ZMAT5: variants seen among roughly 807,000 people sequenced by gnomAD.
The protein encoded by ZMAT5 is zinc finger matrin-type protein 5.
ZMAT5 carries 23 observed loss-of-function variants against 28.0 expected under a neutral mutation model. That is an observed-to-expected ratio of 0.82 (90% CI 0.59 to 1.16). The LOEUF is 1.16. ZMAT5 is among the 50% of genes most tolerant of loss of function. ZMAT5 has a pLI of 0.00. For synonymous variants in ZMAT5, 76 were observed against 84.1 expected (o/e 0.90, Z 0.52); for missense variants, 173 against 212.7 (o/e 0.81, Z 1.16).
chr22:29,761,688 T>C (rs1299914696), intron 1 of ZMAT5, among the ~76,000 whole-genome samples: 1 of 151,988 alleles, frequency 6.6e-6, no homozygotes, highest in African/African-American at 2.4e-5. Flanking sequence ...ATCTGTAATA[T>C]TGAAAAAAAA....
chr22:29,743,486 A>G (rs773997703), intron 2 of ZMAT5, among the ~76,000 whole-genome samples: 2 of 152,200 alleles, frequency 1.3e-5, no homozygotes, highest in Non-Finnish European at 2.9e-5. Context: ...GCTGGAGTGC[A>G]GCGGCATGAT....
At chr22:29,753,473 A>AAT (rs2068072289) in intron 1 of ZMAT5, among the ~76,000 whole-genome samples, 1 of 152,082 alleles carries the variant, frequency 6.6e-6, no homozygotes, top group African/African-American at 2.4e-5. Context: ...TGCAGTAAGC[A>AAT]GAGATCGCAC....
intron 1 of ZMAT5, among the ~76,000 whole-genome samples, chr22:29,756,388 AC>A (rs1398319393): frequency 1.3e-5 from 2 of 151,502 alleles, no homozygotes; most frequent in Admixed American, 6.6e-5. Flanking sequence ...TCCTGACCGA[AC>A]CCCCGTATGC....
intron 1 of ZMAT5, among the ~76,000 whole-genome samples, chr22:29,762,281 C>T (rs550551866): frequency 6.6e-5 from 10 of 152,160 alleles, no homozygotes; most frequent in Middle Eastern, 3.4e-3. Context: ...TCTTATTTGC[C>T]GATATTTATG....
At position 29,739,257 on chromosome 22, in the gene ZMAT5, C is replaced by T. The variant is rs375718285; in HGVS notation, c.272-816G>A. Among the ~76,000 whole-genome samples the T allele has an allele frequency of 2.1e-3, 314 of 152,286 alleles. 8 individuals carry two copies. In the South Asian group the frequency reaches 0.06, roughly 29 times the overall value. On this transcript the variant is annotated intron_variant, in intron 4 of 5. Coordinates refer to ENST00000344318, the MANE Select transcript of ZMAT5 (RefSeq NM_001003692.2). The stretch of plus-strand genomic sequence containing the variant: ...GGAATTTATACAAGCTGGGTGTGAG[C>T]GTTTGATGGGGTCAGAGTCGCCAAG...
Position 29,749,781 on chromosome 22 carries a change from A to G in ZMAT5, c.-27-1210T>C, listed in dbSNP as rs183009198. Among the ~76,000 whole-genome samples, 448 of 152,162 alleles carry G rather than the reference A, an allele frequency of 2.9e-3. 1 individual carries two copies. The highest frequency in any genetic ancestry group is 0.01 in the African/African-American group (428 of 41,512). ...CCCCCATGCTGTTCTCATGATAGTG[A>G]AGAGTTCTCACAGGATCTGATGGTT... On this transcript the variant is annotated intron_variant, in intron 1 of 5. Transcript: ENST00000344318.
chr22:29,738,298 G>T, intron 5 of ZMAT5, 32 bp downstream of exon 5: 1 of 1,586,332 alleles, frequency 6.3e-7, no homozygotes, highest in Non-Finnish European at 8.6e-7. Flanking sequence ...CCCCCAGGGG[G>T]CACAGCGGGA....
Position 29,759,608 on chromosome 22 carries a change from AT to A in ZMAT5, c.-28+7263del, listed in dbSNP as rs923211601. ...AGTGAGACCCCGTCTCTAAAAAAAA[AT>A]TTTTTTTTTAATTAGCCAGTTGGGG... On this transcript the variant is annotated intron_variant, in intron 1 of 5. Transcript: ENST00000344318. Among the ~76,000 whole-genome samples, 397 of 150,714 alleles carry A rather than the reference AT, an allele frequency of 2.6e-3. 2 individuals carry two copies. Among genetic ancestry groups the A allele is most frequent in the African/African-American group, 9.3e-3 (383 of 40,986 alleles).
intron 1 of ZMAT5, among the ~76,000 whole-genome samples, chr22:29,754,119 G>C (rs1040058699): frequency 2.0e-5 from 3 of 152,106 alleles, no homozygotes; most frequent in Non-Finnish European, 2.9e-5. Flanking sequence ...GGAGGAAGGG[G>C]ACAGCTGGAG....
intron 5 of ZMAT5, among the ~76,000 whole-genome samples, chr22:29,733,003 G>A (rs1237796410): frequency 6.6e-6 from 1 of 152,180 alleles, no homozygotes; most frequent in Non-Finnish European, 1.5e-5. Flanking sequence ...GCTATTCTGG[G>A]CCACACACCA....
At chr22:29,731,611 C>T (rs2067845616) in intron 5 of ZMAT5, 1 of 445,156 alleles carries the variant, frequency 2.2e-6, no homozygotes, top group South Asian at 2.9e-5. Flanking sequence ...TCGTGTCCAC[C>T]TGTGGGGGAC....
chr22:29,758,928 G>A (rs189135585), intron 1 of ZMAT5: 3 of 152,348 alleles, frequency 2.0e-5, no homozygotes, highest in Admixed American at 2.0e-4. Flanking sequence ...TCCCTCTGGA[G>A]GCTGCCATGG....
intron 1 of ZMAT5, among the ~76,000 whole-genome samples, chr22:29,765,109 A>T (rs527499083): frequency 1.7e-4 from 26 of 152,298 alleles, no homozygotes; most frequent in African/African-American, 6.0e-4. Flanking sequence ...TGTTGATTTT[A>T]AATTGTTGAG....
chr22:29,762,482 C>G (rs1470795676), intron 1 of ZMAT5, among the ~76,000 whole-genome samples: 1 of 152,212 alleles, frequency 6.6e-6, no homozygotes, highest in African/African-American at 2.4e-5. Context: ...ACCGCCTGAG[C>G]TTCGTCTCCT....
rs1472917023 is a variant in ZMAT5, at chr22:29,738,398, G to A, written c.315C>T (p.Leu105=). 2 of 1,610,884 alleles carry A rather than the reference G, an allele frequency of 1.2e-6. No homozygotes were observed. The highest frequency in any genetic ancestry group is 1.7e-5 in the Admixed American group (1 of 59,934). ...GCCAGTCCTCCAGATGGCCCTCGGG[G>A]AGCTCAGGAGCATCTAGTAGCCACT... The part of the protein sequence containing the change: ...AREWLLDAPE[L]PEGHLEDWLE... Residue 105 remains leucine (L), a synonymous_variant, in exon 5 of 6, where the codon CTC becomes CTT. Transcript: ENST00000344318.
At chr22:29,743,521 T>C (rs1368872289) in intron 2 of ZMAT5, among the ~76,000 whole-genome samples, 1 of 152,160 alleles carries the variant, frequency 6.6e-6, no homozygotes, top group Non-Finnish European at 1.5e-5. Flanking sequence ...GCCTCCACCT[T>C]CTGCACTCAG....
intron 1 of ZMAT5, among the ~76,000 whole-genome samples, chr22:29,753,491 C>T (rs1319836475): frequency 2.0e-5 from 3 of 151,998 alleles, no homozygotes; most frequent in Non-Finnish European, 4.4e-5. Flanking sequence ...CACCACTGCA[C>T]CCCAGCCTGG....
At chr22:29,731,425 C>T (rs547260239) in intron 5 of ZMAT5, 71 bp from the exon 6 acceptor site, 1 of 1,503,450 alleles carries the variant, frequency 6.7e-7, no homozygotes, top group Admixed American at 2.8e-5. Flanking sequence ...CCCCAGCCCA[C>T]CTGCCTCACC....
At chr22:29,734,721 T>C (rs1050059851) in intron 5 of ZMAT5, among the ~76,000 whole-genome samples, 1 of 152,154 alleles carries the variant, frequency 6.6e-6, no homozygotes, top group Non-Finnish European at 1.5e-5. Flanking sequence ...AAATGATGCC[T>C]CATCTAAGCT....
Sources: allele counts gnomAD v4.1 joint callset (sites outside exome capture counted in the v4.1 genomes callset), GRCh38; gene constraint gnomAD v4.1.1; transcripts MANE v1.5; gene names NCBI Gene and HGNC (gene_info 2026-07-23, HGNC 2026-07-21).